The following UNC5C variants were observed in gnomAD, a reference collection of about 807,000 sequenced individuals.
UNC5C encodes the protein unc-5 netrin receptor C.
In UNC5C, 47 loss-of-function variants were observed where a neutral mutation model predicts 99.8. The ratio of observed to expected loss-of-function variants is 0.47; its 90% CI spans 0.37 to 0.60. The LOEUF (loss-of-function observed/expected upper bound fraction) is 0.60, where lower values mean the gene tolerates loss of function less well. UNC5C is among the 20% of genes least tolerant of loss of function. UNC5C has a pLI of 0.00. For missense variants in UNC5C, 1,062 were observed against 1,165.9 expected, an observed-to-expected ratio of 0.91 and a Z score of 1.30; for synonymous variants, 487 against 452.2, an observed-to-expected ratio of 1.08 and a Z score of -0.98.
chr4:95,533,062 T>C (rs1452973632), intron 1 of UNC5C, among the ~76,000 whole-genome samples: 1 of 152,112 alleles, frequency 6.6e-6, no homozygotes. Context: ...TGGACATATT[T>C]TTAAAAATAT....
intron 1 of UNC5C, among the ~76,000 whole-genome samples, chr4:95,468,919 G>A (rs35354618): frequency 0.45 from 67,729 of 151,958 alleles, 15,579 homozygotes; most frequent in African/African-American, 0.53. Flanking sequence ...CAAAGCATCA[G>A]TGAAACCAAT....
intron 1 of UNC5C, among the ~76,000 whole-genome samples, chr4:95,339,925 C>G (rs952631929): frequency 1.3e-5 from 2 of 152,066 alleles, no homozygotes; most frequent in Non-Finnish European, 2.9e-5. Context: ...TTTTACCCTC[C>G]TCTGATATTT....
At chr4:95,379,663 T>TAGATC (rs1745004263) in intron 1 of UNC5C, among the ~76,000 whole-genome samples, 1 of 152,204 alleles carries the variant, frequency 6.6e-6, no homozygotes, top group Non-Finnish European at 1.5e-5. Flanking sequence ...AAATGGGCTA[T>TAGATC]TATTTTCACT....
intron 1 of UNC5C, among the ~76,000 whole-genome samples, chr4:95,527,031 TTAAG>T (rs1406740874): frequency 4.6e-5 from 7 of 152,064 alleles, no homozygotes; most frequent in Admixed American, 4.6e-4. Context: ...AAGTTTCAAG[TTAAG>T]TGACAATATT....
At chr4:95,494,583 A>G (rs1721582082) in intron 1 of UNC5C, among the ~76,000 whole-genome samples, 1 of 151,524 alleles carries the variant, frequency 6.6e-6, no homozygotes, top group African/African-American at 2.4e-5. Flanking sequence ...CATATTAAAC[A>G]CAATTCTTAA....
intron 1 of UNC5C, among the ~76,000 whole-genome samples, chr4:95,485,300 A>G (rs1004370772): frequency 6.6e-6 from 1 of 151,902 alleles, no homozygotes; most frequent in African/African-American, 2.4e-5. Flanking sequence ...TAATGATACT[A>G]AATGAGTTGT....
intron 3 of UNC5C, among the ~76,000 whole-genome samples, chr4:95,286,819 A>ATTGAT (rs1741251930): frequency 6.6e-6 from 1 of 152,200 alleles, no homozygotes; most frequent in Non-Finnish European, 1.5e-5. Flanking sequence ...AATGGGCCAC[A>ATTGAT]GACCCCAAAT....
intron 3 of UNC5C, among the ~76,000 whole-genome samples, chr4:95,297,513 T>C (rs1348358330): frequency 6.6e-6 from 1 of 152,196 alleles, no homozygotes; most frequent in African/African-American, 2.4e-5. Flanking sequence ...TACAATAGAA[T>C]TCTTGATCTC....
Position 95,244,999 on chromosome 4 carries a change from T to C in UNC5C, c.921A>G (p.Ile307Met), listed in dbSNP as rs894307669. Residue 307 changes from isoleucine to methionine, a missense_variant, in exon 6 of 16, where the codon ATA becomes ATG. Ile to Met is a conservative substitution (Grantham distance 10, BLOSUM62 1). Transcript: ENST00000453304. ...AFCEGQSVQKIACTTLCPVDG... is the reference protein window; with the variant it reads ...AFCEGQSVQKMACTTLCPVDG... ...TACCTGGGCATAACGTAGTACAGGC[T>C]ATTTTCTGCACACTCTGCCCTTCAC... 1.2e-6 allele frequency: 2 copies of C among 1,613,916 alleles called. No individual in the cohort carries two copies. The highest frequency in any genetic ancestry group is 2.7e-5 in the African/African-American group (2 of 74,914).
rs559853526 is a variant in UNC5C at position 95,247,030 on chromosome 4, C to A, written c.776-1886G>T. ...CACCCTAGCCTGGGCGACAGTGAAA[C>A]CCTGTCTCAAATAAAAAAATAAAAA... On this transcript the variant is annotated intron_variant, in intron 5 of 15. Coordinates refer to ENST00000453304, the MANE Select transcript of UNC5C (RefSeq NM_003728.4). 1.4e-4 allele frequency among the ~76,000 whole-genome samples: 21 copies of A among 149,898 alleles called. No homozygotes were observed. The South Asian group carries it at 4.1e-3, about 29-fold the overall frequency.
intron 2 of UNC5C, among the ~76,000 whole-genome samples, chr4:95,305,475 C>T (rs1428681860): frequency 6.6e-6 from 1 of 152,054 alleles, no homozygotes; most frequent in Non-Finnish European, 1.5e-5. Context: ...TTTGAAATGC[C>T]ATCAGCATTA....
chr4:95,410,578 T>C (rs1178189078), intron 1 of UNC5C, among the ~76,000 whole-genome samples: 2 of 152,170 alleles, frequency 1.3e-5, no homozygotes, highest in African/African-American at 4.8e-5. Flanking sequence ...CAAAAGATGC[T>C]GCTACCGCCC....
intron 12 of UNC5C, among the ~76,000 whole-genome samples, chr4:95,193,703 C>T (rs551220348): frequency 2.0e-5 from 3 of 152,234 alleles, no homozygotes; most frequent in South Asian, 2.1e-4. Context: ...TGCACTCCAC[C>T]GAAGCAGAGG....
At chr4:95,231,030 C>T (rs1738893600) in intron 7 of UNC5C, among the ~76,000 whole-genome samples, 1 of 151,996 alleles carries the variant, frequency 6.6e-6, no homozygotes, top group Non-Finnish European at 1.5e-5. Flanking sequence ...ATGCCAGGGC[C>T]TAAAATCAAT....
At chr4:95,320,225 C>A (rs1356547640) in intron 2 of UNC5C, among the ~76,000 whole-genome samples, 1 of 151,890 alleles carries the variant, frequency 6.6e-6, no homozygotes, top group African/African-American at 2.4e-5. Flanking sequence ...AGTTCGAGAC[C>A]AGCCTGGCCA....
intron 2 of UNC5C, among the ~76,000 whole-genome samples, chr4:95,317,549 A>G (rs1164103964): frequency 6.6e-6 from 1 of 152,194 alleles, no homozygotes; most frequent in East Asian, 1.9e-4. Flanking sequence ...AAGAACTTGT[A>G]TGAGAAACGT....
At chr4:95,284,102 T>C (rs1173084875) in intron 3 of UNC5C, among the ~76,000 whole-genome samples, 1 of 151,958 alleles carries the variant, frequency 6.6e-6, no homozygotes, top group Non-Finnish European at 1.5e-5. Context: ...TTTTGGGTGG[T>C]AGAATTTTGA....
intron 1 of UNC5C, among the ~76,000 whole-genome samples, chr4:95,351,855 C>A (rs1350316322): frequency 6.6e-6 from 1 of 152,036 alleles, no homozygotes; most frequent in Non-Finnish European, 1.5e-5. Flanking sequence ...GAATACAGTG[C>A]CCCTTCAACC....
intron 1 of UNC5C, among the ~76,000 whole-genome samples, chr4:95,499,827 T>C (rs777880166): frequency 2.0e-5 from 3 of 152,056 alleles, no homozygotes; most frequent in East Asian, 1.9e-4. Context: ...ATGGGAGCAC[T>C]GGGGAGGAAA....
Sources: allele counts gnomAD v4.1 joint callset (sites outside exome capture counted in the v4.1 genomes callset), GRCh38; gene constraint gnomAD v4.1.1; transcripts MANE v1.5; gene names NCBI Gene and HGNC (gene_info 2026-07-23, HGNC 2026-07-21).